The following SYT9 variants were observed in gnomAD, a reference collection of about 807,000 sequenced individuals.
SYT9 encodes synaptotagmin-9.
In SYT9, 22 loss-of-function variants were observed where a neutral mutation model predicts 48.4. That is an observed-to-expected ratio of 0.45 (90% CI 0.32 to 0.65). The LOEUF is 0.65. Among genes scored for constraint, SYT9 ranks in the 30% least tolerant of loss-of-function variants. The pLI is 0.03. For missense variants in SYT9, 577 were observed against 622.0 expected, an observed-to-expected ratio of 0.93 and a Z score of 0.77; for synonymous variants, 265 against 245.0, an observed-to-expected ratio of 1.08 and a Z score of -0.76.
intron 1 of SYT9, among the ~76,000 whole-genome samples, chr11:7,281,721 C>CTTCTTTGTGTCTG (rs1347561424): frequency 2.6e-5 from 4 of 152,162 alleles, no homozygotes; most frequent in African/African-American, 9.7e-5. Flanking sequence ...TGTGTAAATT[C>CTTCTTTGTGTCTG]TTATTAAAAA....
intron 6 of SYT9, among the ~76,000 whole-genome samples, chr11:7,450,640 G>A (rs1443743006): frequency 6.6e-6 from 1 of 152,210 alleles, no homozygotes; most frequent in Admixed American, 6.5e-5. Context: ...TAGCTACCAA[G>A]CTTATTTGGG....
intron 1 of SYT9, among the ~76,000 whole-genome samples, chr11:7,277,063 A>AAAAC (rs139673466): frequency 3.7e-4 from 56 of 151,544 alleles, no homozygotes; most frequent in South Asian, 1.0e-3. Flanking sequence ...CAAAAAACAA[A>AAAAC]AAACAAACAA....
At chr11:7,461,649 A>G (rs767589677) in intron 6 of SYT9, among the ~76,000 whole-genome samples, 2 of 152,246 alleles carry the variant, frequency 1.3e-5, no homozygotes, top group Non-Finnish European at 2.9e-5. Flanking sequence ...CTGGGATTAC[A>G]GGCGTGAGCC....
Position 7,270,832 on chromosome 11 carries a change from G to GACACACACAC in SYT9, c.145+18533_145+18542dup, listed in dbSNP as rs56891844. On this transcript the variant is annotated intron_variant, in intron 1 of 6. Coordinates refer to ENST00000318881, the MANE Select transcript of SYT9 (RefSeq NM_175733.4). ...TTGATGTTTAGATGCACAAGACACA[G>GACACACACAC]ACACACACACACACACACACACACA... Among the ~76,000 whole-genome samples the GACACACACAC allele has an allele frequency of 8.8e-3, 1,296 of 147,272 alleles. 18 individuals are homozygous for GACACACACAC. Among genetic ancestry groups the GACACACACAC allele is most frequent in the African/African-American group, 0.02 (794 of 39,984 alleles).
chr11:7,348,688 CTTTTTTTTT>C (rs34752256), intron 3 of SYT9, among the ~76,000 whole-genome samples: 30 of 47,116 alleles, frequency 6.4e-4, no homozygotes, highest in African/African-American at 1.2e-3. Flanking sequence ...ATCAGACCTC[CTTTTTTTTT>C]TTTTTTTTTT....
intron 3 of SYT9, among the ~76,000 whole-genome samples, chr11:7,384,548 C>G (rs963111354): frequency 1.3e-5 from 2 of 152,132 alleles, no homozygotes; most frequent in African/African-American, 4.8e-5. Context: ...GATGACCTCT[C>G]ACCACCTGCA....
At chr11:7,455,841 T>G (rs1848142351) in intron 6 of SYT9, among the ~76,000 whole-genome samples, 1 of 152,140 alleles carries the variant, frequency 6.6e-6, no homozygotes, top group Non-Finnish European at 1.5e-5. Context: ...CCTGTGTAAA[T>G]TCTGGGCAAA....
chr11:7,326,602 C>T (rs551143729), intron 3 of SYT9, among the ~76,000 whole-genome samples: 6 of 149,970 alleles, frequency 4.0e-5, no homozygotes, highest in East Asian at 2.0e-4. Flanking sequence ...AAAAAGAGCC[C>T]GCATCGCCAA....
intron 3 of SYT9, among the ~76,000 whole-genome samples, chr11:7,349,621 C>T (rs1849873527): frequency 6.6e-6 from 1 of 152,154 alleles, no homozygotes. Flanking sequence ...GGCCTATCAC[C>T]CTACCAACGT....
intron 3 of SYT9, among the ~76,000 whole-genome samples, chr11:7,392,537 C>T (rs1420666871): frequency 6.6e-6 from 1 of 152,014 alleles, no homozygotes; most frequent in African/African-American, 2.4e-5. Flanking sequence ...AAAGTGATGC[C>T]TCTGGCTTTG....
intron 3 of SYT9, among the ~76,000 whole-genome samples, chr11:7,335,432 C>A (rs1348412179): frequency 6.6e-6 from 1 of 151,908 alleles, no homozygotes; most frequent in Non-Finnish European, 1.5e-5. Context: ...GGCCTAGTAC[C>A]CAATAATTAT....
At chr11:7,343,687 T>C (rs1249727624) in intron 3 of SYT9, among the ~76,000 whole-genome samples, 1 of 152,214 alleles carries the variant, frequency 6.6e-6, no homozygotes, top group African/African-American at 2.4e-5. Context: ...TTCCACATTT[T>C]CATGTATTAT....
intron 6 of SYT9, among the ~76,000 whole-genome samples, chr11:7,448,449 C>T (rs762056149): frequency 2.6e-5 from 4 of 152,246 alleles, no homozygotes; most frequent in Admixed American, 6.5e-5. Flanking sequence ...TGCTGCGGCT[C>T]GCCTCAAGGC....
chr11:7,259,427 C>CTGTT (rs1848037979), intron 1 of SYT9, among the ~76,000 whole-genome samples: 1 of 151,958 alleles, frequency 6.6e-6, no homozygotes, highest in Non-Finnish European at 1.5e-5. Context: ...TTATAGTCCC[C>CTGTT]TGTTTCCTTT....
At chr11:7,302,906 T>C (rs1307637712) in intron 1 of SYT9, 133 bp from the exon 2 acceptor site, 18 of 748,876 alleles carry the variant, frequency 2.4e-5, no homozygotes, top group Non-Finnish European at 3.1e-5. Context: ...AACCCAGCCA[T>C]GCGCCCCAGC....
intron 1 of SYT9, 62 bp from the exon 2 acceptor site, chr11:7,302,977 T>A (rs1848951412): frequency 1.4e-6 from 2 of 1,442,250 alleles, no homozygotes; most frequent in African/African-American, 2.8e-5. Context: ...CTGCCCACGC[T>A]GTGCAATGGG....
At chr11:7,415,990 C>A in intron 3 of SYT9, 52 bp from the exon 4 acceptor site, 2 of 1,611,640 alleles carry the variant, frequency 1.2e-6, no homozygotes, top group South Asian at 2.2e-5. Context: ...GAGCCTCTTG[C>A]ACACCAGGCT....
At chr11:7,309,964 G>A (rs1849100975) in intron 2 of SYT9, among the ~76,000 whole-genome samples, 1 of 152,162 alleles carries the variant, frequency 6.6e-6, no homozygotes, top group Non-Finnish European at 1.5e-5. Context: ...TACAGTCTTC[G>A]CTGTCTGCTT....
At chr11:7,342,944 C>T (rs1012515894) in intron 3 of SYT9, among the ~76,000 whole-genome samples, 2 of 152,204 alleles carry the variant, frequency 1.3e-5, no homozygotes, top group African/African-American at 2.4e-5. Flanking sequence ...GTTGCCAAGG[C>T]TTGGGGATTG....
Sources: allele counts gnomAD v4.1 joint callset (sites outside exome capture counted in the v4.1 genomes callset), GRCh38; gene constraint gnomAD v4.1.1; transcripts MANE v1.5; gene names NCBI Gene and HGNC (gene_info 2026-07-23, HGNC 2026-07-21).